Variants in GHR observed in about 807,000 individuals in gnomAD.
The protein encoded by GHR is GH receptor.
Under a neutral mutation model 67.1 loss-of-function variants are expected in GHR, and 35 were observed. The observed-to-expected ratio is 0.52, with a 90% CI of 0.40 to 0.69. GHR has a LOEUF of 0.69. Ranked by LOEUF, GHR falls within the 30% of genes least tolerant of loss-of-function variation. The probability of loss-of-function intolerance (pLI) is 0.00; values close to 1 mark genes in which losing one functional copy is unlikely to be tolerated. For missense variants in GHR, 792 were observed against 764.6 expected (o/e 1.04, Z -0.42); for synonymous variants, 272 against 269.1 (o/e 1.01, Z -0.10).
chr5:42,553,447 A>G (rs1344725673), intron 1 of GHR, among the ~76,000 whole-genome samples: 2 of 152,156 alleles, frequency 1.3e-5, no homozygotes, highest in South Asian at 2.1e-4. Flanking sequence ...ACAAGATTCT[A>G]TGTACCCCCT....
chr5:42,702,411 G>A (rs1757974263), intron 6 of GHR, among the ~76,000 whole-genome samples: 3 of 152,032 alleles, frequency 2.0e-5, no homozygotes, highest in South Asian at 2.1e-4. Context: ...GCATTCCATT[G>A]TATATACCTA....
chr5:42,442,119 C>T (rs1012007938), intron 1 of GHR, among the ~76,000 whole-genome samples: 1 of 152,088 alleles, frequency 6.6e-6, no homozygotes, highest in African/African-American at 2.4e-5. Flanking sequence ...ATATCTGCTC[C>T]AGAAAGCAGT....
chr5:42,548,219 G>A, intron 1 of GHR: 3 of 971,936 alleles, frequency 3.1e-6, no homozygotes, highest in Non-Finnish European at 3.7e-6. Context: ...TACCAGATAT[G>A]TGTGTGTGTG....
intron 1 of GHR, among the ~76,000 whole-genome samples, chr5:42,445,467 C>G (rs1312588628): frequency 6.6e-6 from 1 of 152,182 alleles, no homozygotes; most frequent in African/African-American, 2.4e-5. Flanking sequence ...CTGTAGCCAG[C>G]TTTATACTCT....
intron 1 of GHR, among the ~76,000 whole-genome samples, chr5:42,500,190 A>G (rs756728409): frequency 2.7e-4 from 41 of 152,180 alleles, no homozygotes; most frequent in Admixed American, 1.3e-4. Flanking sequence ...TCTCCTCCTT[A>G]GCTGAGACTT....
At chr5:42,623,654 T>C (rs1753565635) in intron 2 of GHR, among the ~76,000 whole-genome samples, 1 of 152,206 alleles carries the variant, frequency 6.6e-6, no homozygotes, top group Admixed American at 6.5e-5. Flanking sequence ...TTAACAGATA[T>C]TCCATTGTTC....
chr5:42,646,271 A>G, intron 3 of GHR: 2 of 443,286 alleles, frequency 4.5e-6, no homozygotes, highest in South Asian at 1.6e-5. Flanking sequence ...GCTGATTACA[A>G]ATGAACCCTG....
At chr5:42,553,468 A>G (rs773998482) in intron 1 of GHR, among the ~76,000 whole-genome samples, 2 of 151,984 alleles carry the variant, frequency 1.3e-5, no homozygotes, top group Non-Finnish European at 2.9e-5. Flanking sequence ...TCCAGCAACA[A>G]TATTCTATGT....
chr5:42,678,317 T>A (rs1159032445), intron 3 of GHR, among the ~76,000 whole-genome samples: 1 of 152,178 alleles, frequency 6.6e-6, no homozygotes, highest in African/African-American at 2.4e-5. Context: ...TAAAGAATTA[T>A]TGTTTTTAAT....
intron 1 of GHR, among the ~76,000 whole-genome samples, chr5:42,543,175 G>A (rs1315176336): frequency 1.3e-5 from 2 of 152,032 alleles, no homozygotes; most frequent in Admixed American, 6.6e-5. Context: ...TGGATTGAAT[G>A]GTAGATCTAC....
chr5:42,705,121 A>T (rs1207212008), intron 6 of GHR, among the ~76,000 whole-genome samples: 1 of 152,000 alleles, frequency 6.6e-6, no homozygotes, highest in South Asian at 2.1e-4. Flanking sequence ...AGAACCAAAA[A>T]CAAAATTATG....
intron 2 of GHR, among the ~76,000 whole-genome samples, chr5:42,617,430 T>G (rs1363762784): frequency 2.0e-5 from 3 of 150,034 alleles, no homozygotes. Flanking sequence ...ACACACAGCA[T>G]TTGCTGCAGA....
chr5:42,570,088 C>A (rs7712701), intron 2 of GHR, among the ~76,000 whole-genome samples: 49,103 of 152,056 alleles, frequency 0.32, 9,775 homozygotes, highest in African/African-American at 0.55. Flanking sequence ...CCACAGAGCT[C>A]TGAGAGGATG....
At chr5:42,515,469 CAT>C (rs1339780287) in intron 1 of GHR, among the ~76,000 whole-genome samples, 1 of 152,178 alleles carries the variant, frequency 6.6e-6, no homozygotes, top group Admixed American at 6.5e-5. Context: ...ATGTCATCCA[CAT>C]AGTCTTGGCT....
At chr5:42,608,298 G>A (rs139540300) in intron 2 of GHR, among the ~76,000 whole-genome samples, 2 of 152,258 alleles carry the variant, frequency 1.3e-5, no homozygotes, top group East Asian at 1.9e-4. Flanking sequence ...AAAAAAGAAT[G>A]GGGAATTCAT....
intron 1 of GHR, among the ~76,000 whole-genome samples, chr5:42,450,350 T>C (rs1743993487): frequency 1.3e-5 from 2 of 152,196 alleles, no homozygotes; most frequent in Admixed American, 1.3e-4. Context: ...TGATTTAATG[T>C]AGGAGGGTTG....
chr5:42,463,866 G>A (rs949958953), intron 1 of GHR, among the ~76,000 whole-genome samples: 1 of 148,538 alleles, frequency 6.7e-6, no homozygotes, highest in Non-Finnish European at 1.5e-5. Context: ...AGTGGTGGGC[G>A]CCTGTAGTCC....
intron 1 of GHR, among the ~76,000 whole-genome samples, chr5:42,428,300 C>T (rs957095614): frequency 6.6e-6 from 1 of 152,154 alleles, no homozygotes; most frequent in Non-Finnish European, 1.5e-5. Context: ...TACCTTGGCC[C>T]CTTTTAGACA....
rs753888781 is a variant in GHR, at chr5:42,424,946, C to T, written c.-12+991C>T. The T allele has an allele frequency of 3.3e-4, 324 of 968,504 alleles. No homozygotes were observed. The highest frequency in any genetic ancestry group is 3.9e-4 in the Non-Finnish European group (316 of 814,656). 60.0% of individuals were successfully genotyped at this position (968,504 alleles called of 1,614,324 possible). A position where few individuals can be genotyped will look rare whatever the true frequency, so the allele number is the denominator to read the frequency against. On this transcript the variant is annotated intron_variant, in intron 1 of 9. Coordinates refer to ENST00000230882, the MANE Select transcript of GHR (RefSeq NM_000163.5). The surrounding 1 kb of genome is among the most constrained non-coding windows in gnomAD (Gnocchi z 4.1). ...GTGCGCCTGGGGAGGCGTGTCGGCG[C>T]CTGAGCCAGTAGGGTGTGCAGGGTG...
Sources: allele counts gnomAD v4.1 joint callset (sites outside exome capture counted in the v4.1 genomes callset), GRCh38; gene constraint gnomAD v4.1.1; non-coding constraint Gnocchi (gnomAD v3.1); transcripts MANE v1.5; gene names NCBI Gene and HGNC (gene_info 2026-07-23, HGNC 2026-07-21).